The following PTPRT variants were observed in gnomAD, a reference collection of about 807,000 sequenced individuals.
PTPRT encodes the protein receptor-type tyrosine-protein phosphatase T.
In PTPRT, 56 loss-of-function variants were observed where a neutral mutation model predicts 176.8. The observed-to-expected ratio is 0.32, with a 90% CI of 0.26 to 0.40. The LOEUF is 0.40. Ranked by LOEUF, PTPRT falls within the 10% of genes least tolerant of loss-of-function variation. The probability of loss-of-function intolerance (pLI) is 1.00; values close to 1 mark genes in which losing one functional copy is unlikely to be tolerated. For missense variants in PTPRT, 1,540 were observed against 1,908.2 expected, an observed-to-expected ratio of 0.81 and a Z score of 3.60; for synonymous variants, 783 against 739.0, an observed-to-expected ratio of 1.06 and a Z score of -0.96.
chr20:42,769,663 G>C (rs1164824078), intron 5 of PTPRT, among the ~76,000 whole-genome samples: 1 of 152,158 alleles, frequency 6.6e-6, no homozygotes, highest in Non-Finnish European at 1.5e-5. Context: ...TCTCTACGAA[G>C]ACTCACACAT....
intron 1 of PTPRT, among the ~76,000 whole-genome samples, chr20:42,890,643 G>C (rs1267535853): frequency 1.3e-5 from 2 of 152,108 alleles, no homozygotes; most frequent in Non-Finnish European, 2.9e-5. Context: ...CCTGGACCGA[G>C]AACAGAAAAC....
intron 18 of PTPRT, among the ~76,000 whole-genome samples, chr20:42,134,198 A>C (rs1044915092): frequency 6.6e-6 from 1 of 152,230 alleles, no homozygotes; most frequent in Admixed American, 6.5e-5. Flanking sequence ...GTTTACCCAC[A>C]TGCACATGGA....
At chr20:42,126,807 G>A (rs1346102906) in intron 19 of PTPRT, among the ~76,000 whole-genome samples, 4 of 152,210 alleles carry the variant, frequency 2.6e-5, no homozygotes, top group Non-Finnish European at 1.5e-5. Context: ...CTGGATGTAT[G>A]AAGGAAAGGC....
At chr20:42,421,406 G>A (rs936828298) in intron 9 of PTPRT, among the ~76,000 whole-genome samples, 2 of 152,110 alleles carry the variant, frequency 1.3e-5, no homozygotes, top group Admixed American at 1.3e-4. Context: ...TGGAGAAAGG[G>A]ACAACAGGCA....
chr20:43,049,666 A>G (rs1320703741), intron 1 of PTPRT, among the ~76,000 whole-genome samples: 1 of 152,194 alleles, frequency 6.6e-6, no homozygotes, highest in African/African-American at 2.4e-5. Flanking sequence ...CATTAACATG[A>G]GGCTTTCAGT....
chr20:42,159,680 C>T (rs997615187), intron 17 of PTPRT, among the ~76,000 whole-genome samples: 7 of 151,922 alleles, frequency 4.6e-5, no homozygotes, highest in South Asian at 2.1e-4. Flanking sequence ...TTACTTAGAC[C>T]GTTTTTGAAA....
At chr20:42,410,889 C>T (rs1305683806) in intron 9 of PTPRT, among the ~76,000 whole-genome samples, 1 of 152,094 alleles carries the variant, frequency 6.6e-6, no homozygotes, top group Non-Finnish European at 1.5e-5. Context: ...TAAAACGCAT[C>T]ATGTCAAACT....
intron 7 of PTPRT, among the ~76,000 whole-genome samples, chr20:42,598,476 T>A (rs6093689): frequency 6.6e-6 from 1 of 151,944 alleles, no homozygotes; most frequent in Non-Finnish European, 1.5e-5. Context: ...AAGGGCATCT[T>A]ATGTTTTGTA....
chr20:42,531,112 C>T (rs1233005097), intron 7 of PTPRT, among the ~76,000 whole-genome samples: 1 of 152,176 alleles, frequency 6.6e-6, no homozygotes, highest in African/African-American at 2.4e-5. Flanking sequence ...GTCAAGTTGG[C>T]AACTTAAAAC....
intron 7 of PTPRT, among the ~76,000 whole-genome samples, chr20:42,510,312 C>A (rs990115533): frequency 2.0e-5 from 3 of 152,024 alleles, no homozygotes; most frequent in Admixed American, 2.0e-4. Flanking sequence ...TCCTACAGCC[C>A]TTCCCTACCT....
chr20:42,527,260 G>A (rs992524246), intron 7 of PTPRT, among the ~76,000 whole-genome samples: 2 of 152,034 alleles, frequency 1.3e-5, no homozygotes, highest in African/African-American at 4.8e-5. Flanking sequence ...ACCGTGCCCG[G>A]CCGACTTCTT....
At chr20:42,767,729 AT>A (rs954394913) in intron 5 of PTPRT, among the ~76,000 whole-genome samples, 1 of 145,992 alleles carries the variant, frequency 6.8e-6, no homozygotes, top group Non-Finnish European at 1.5e-5. Flanking sequence ...TAAAATATAT[AT>A]TTTCTTTAAT....
intron 11 of PTPRT, among the ~76,000 whole-genome samples, chr20:42,347,714 T>A (rs1894591): frequency 1.3e-5 from 2 of 151,936 alleles, no homozygotes; most frequent in African/African-American, 2.4e-5. Flanking sequence ...ATCAGATCAC[T>A]CCATTACCTT....
intron 9 of PTPRT, among the ~76,000 whole-genome samples, chr20:42,417,291 C>G (rs2059074903): frequency 6.6e-6 from 1 of 152,146 alleles, no homozygotes; most frequent in Admixed American, 6.5e-5. Flanking sequence ...AATAACCCCG[C>G]ACCTCAGCCC....
At chr20:42,477,503 A>C (rs2071311681) in intron 7 of PTPRT, among the ~76,000 whole-genome samples, 1 of 152,184 alleles carries the variant, frequency 6.6e-6, no homozygotes, top group African/African-American at 2.4e-5. Context: ...TCTAAACCTC[A>C]TCTGCCAAAC....
chr20:42,777,801 G>A (rs903741135), intron 4 of PTPRT, among the ~76,000 whole-genome samples: 11 of 152,180 alleles, frequency 7.2e-5, no homozygotes, highest in African/African-American at 4.8e-5. Flanking sequence ...CACATGATTC[G>A]TGAGCTGTGG....
At chr20:42,639,110 C>T (rs1302251145) in intron 7 of PTPRT, among the ~76,000 whole-genome samples, 1 of 152,132 alleles carries the variant, frequency 6.6e-6, no homozygotes, top group African/African-American at 2.4e-5. Flanking sequence ...TCTGAACCAG[C>T]TCAGAAAAAG....
intron 16 of PTPRT, among the ~76,000 whole-genome samples, chr20:42,170,689 T>G (rs1234279489): frequency 6.6e-6 from 1 of 152,196 alleles, no homozygotes; most frequent in East Asian, 1.9e-4. Flanking sequence ...TGCTCATGTG[T>G]GTTCATGTGT....
At chr20:42,116,114 T>TA (rs902185087) in intron 21 of PTPRT, 1 of 718,578 alleles carries the variant, frequency 1.4e-6, no homozygotes, top group South Asian at 1.5e-5. Context: ...AGGTGTTAGG[T>TA]AAAAAACAAG....
Sources: allele counts gnomAD v4.1 joint callset (sites outside exome capture counted in the v4.1 genomes callset), GRCh38; gene constraint gnomAD v4.1.1; transcripts MANE v1.5; gene names NCBI Gene and HGNC (gene_info 2026-07-23, HGNC 2026-07-21).